The following KCNE2 variants were observed in gnomAD, a reference collection of about 807,000 sequenced individuals.
KCNE2 encodes potassium voltage-gated channel subfamily E member 2.
In KCNE2, 4 loss-of-function variants were observed where a neutral mutation model predicts 4.5. The observed-to-expected ratio is 0.89, with a 90% CI of 0.44 to 2.03. The LOEUF (loss-of-function observed/expected upper bound fraction) is 2.03. Among genes scored for constraint, KCNE2 ranks in the 30% most tolerant of loss-of-function variants. The pLI is 0.03. For missense variants in KCNE2, 137 were observed against 151.4 expected (o/e 0.90, Z 0.50); for synonymous variants, 57 against 55.9 (o/e 1.02, Z -0.09).
At chr21:34,365,660 A>G (rs41314675) in intron 1 of KCNE2, among the ~76,000 whole-genome samples, 51,532 of 152,168 alleles carry the variant, frequency 0.34, 9,371 homozygotes, top group African/African-American at 0.47. Context: ...CCTGGGTTCA[A>G]GCGATCCTCC....
chr21:34,366,346 G>A (rs1200313343), intron 1 of KCNE2, among the ~76,000 whole-genome samples: 2 of 151,970 alleles, frequency 1.3e-5, no homozygotes, highest in Non-Finnish European at 2.9e-5. Flanking sequence ...ACTTTTCGAG[G>A]GATCTTTAAC....
Position 34,370,513 on chromosome 21 carries a change from A to C in KCNE2, c.35A>C (p.Glu12Ala). 3 of 1,614,210 alleles carry C rather than the reference A, an allele frequency of 1.9e-6. No homozygotes were observed. In the South Asian group the frequency reaches 3.3e-5, roughly 18 times the overall value. ...TTATCCAATTTCACACAGACGCTGG[A>C]AGACGTCTTCCGAAGGATTTTTATT... is the stretch of plus-strand genomic sequence containing the variant. ...STLSNFTQTLEDVFRRIFITY... is the reference protein window; with the variant it reads ...STLSNFTQTLADVFRRIFITY... Residue 12 changes from glutamate (E) to alanine (A), a missense_variant, in exon 2 of 2, where the codon GAA becomes GCA. Coordinates refer to ENST00000290310, the MANE Select transcript of KCNE2 (RefSeq NM_172201.2).
chr21:34,364,455 G>C (rs970890199), intron 1 of KCNE2, among the ~76,000 whole-genome samples: 2 of 152,034 alleles, frequency 1.3e-5, no homozygotes, highest in East Asian at 1.9e-4. Context: ...TGATGTGAGC[G>C]ATCTACCATG....
chr21:34,369,562 A>G (rs1025335239), intron 1 of KCNE2, among the ~76,000 whole-genome samples: 1 of 152,016 alleles, frequency 6.6e-6, no homozygotes, highest in African/African-American at 2.4e-5. Flanking sequence ...GAAAAAAAAA[A>G]GGGCACATTG....
chr21:34,371,152 G>A lies in KCNE2; in HGVS notation c.*302G>A. 2.4e-6 allele frequency: 1 copy of A among 417,262 alleles called. No individual in the cohort carries two copies. Among genetic ancestry groups the A allele is most frequent in the Non-Finnish European group, 4.6e-6 (1 of 218,680 alleles). 25.8% of individuals were successfully genotyped at this position (417,262 alleles called of 1,614,324 possible). On this transcript the variant is annotated 3_prime_UTR_variant, in exon 2 of 2. Transcript: ENST00000290310. ...AAGCCAAATTTGAAGTAAAGTGTCT[G>A]GGCAGTGGCTGTGGGGATAGAAAGG...
At chr21:34,368,227 ACAATATATATATATATATAT>A (rs1364158008) in intron 1 of KCNE2, among the ~76,000 whole-genome samples, 1 of 56,398 alleles carries the variant, frequency 1.8e-5, no homozygotes, top group African/African-American at 7.6e-5. Context: ...ACACACACAC[ACAATATATATATATATATAT>A]ATATATATAT....
chr21:34,370,109 T>C (rs1220728029), intron 1 of KCNE2, among the ~76,000 whole-genome samples: 1 of 152,224 alleles, frequency 6.6e-6, no homozygotes, highest in African/African-American at 2.4e-5. Flanking sequence ...AGAAAATACA[T>C]ATCTTTAAGC....
rs80173642 is a variant in KCNE2, at chr21:34,369,053, G to A, written c.-12-1414G>A. Among the ~76,000 whole-genome samples the A allele has an allele frequency of 1.1e-4, 16 of 152,194 alleles. No individual in the cohort carries two copies. In the East Asian group the frequency reaches 2.7e-3, roughly 26 times the overall value. ...GGTTGAGAGAATAGGATGTGATAAT[G>A]TCCCGAGGAAAGAGAGCTTACTGAC... On this transcript the variant is annotated intron_variant, in intron 1 of 1. Transcript: ENST00000290310.
At chr21:34,368,197 T>TCACA (rs534677357) in intron 1 of KCNE2, among the ~76,000 whole-genome samples, 35 of 93,222 alleles carry the variant, frequency 3.8e-4, no homozygotes, top group South Asian at 1.1e-3. Flanking sequence ...AAACCAATAA[T>TCACA]CACACACACA....
chr21:34,365,140 C>T (rs1979238554), intron 1 of KCNE2, among the ~76,000 whole-genome samples: 2 of 152,204 alleles, frequency 1.3e-5, no homozygotes, highest in African/African-American at 4.8e-5. Flanking sequence ...GGACAGGTGA[C>T]TTAAGCCCTC....
intron 1 of KCNE2, among the ~76,000 whole-genome samples, chr21:34,366,175 T>C (rs542602559): frequency 1.3e-5 from 2 of 152,256 alleles, no homozygotes; most frequent in South Asian, 4.1e-4. Flanking sequence ...ATGACTCCAG[T>C]GGAATTCAGC....
intron 1 of KCNE2, among the ~76,000 whole-genome samples, chr21:34,368,229 A>ACAATATATATATATATAT (rs781775671): frequency 4.7e-5 from 4 of 84,810 alleles, no homozygotes; most frequent in African/African-American, 1.2e-4. Context: ...ACACACACAC[A>ACAATATATATATATATAT]ATATATATAT....
chr21:34,370,791 G>A lies in KCNE2; in HGVS notation c.313G>A (p.Glu105Lys), dbSNP rs1714350973. 6.2e-7 allele frequency: 1 copy of A among 1,614,192 alleles called. No individual in the cohort carries two copies. Among genetic ancestry groups the A allele is most frequent in the Non-Finnish European group, 8.5e-7 (1 of 1,180,038 alleles). The change falls in exon 2 of 2, where the codon GAA becomes AAA. Residue 105 changes from glutamate (E) to lysine (K), a missense_variant. By Grantham distance (56) the Glu-to-Lys change is moderately conservative (BLOSUM62 1). Transcript: ENST00000290310. ...KYKSQILNLE[E>K]SKATIHENIG... Reference sequence around the variant, plus strand: ...CAAGAGCCAAATCTTGAATCTAGAAGAATCGAAGGCCACCATCCATGAGAA... The same window carrying A: ...CAAGAGCCAAATCTTGAATCTAGAAAAATCGAAGGCCACCATCCATGAGAA...
chr21:34,368,469 G>A (rs1247034179), intron 1 of KCNE2, among the ~76,000 whole-genome samples: 3 of 151,458 alleles, frequency 2.0e-5, no homozygotes, highest in Admixed American at 6.6e-5. Flanking sequence ...GCGTAGTGGC[G>A]GTTGCCTGTA....
At chr21:34,366,390 C>T (rs909301006) in intron 1 of KCNE2, among the ~76,000 whole-genome samples, 1 of 151,960 alleles carries the variant, frequency 6.6e-6, no homozygotes, top group Non-Finnish European at 1.5e-5. Flanking sequence ...TCCCACACCC[C>T]TTAAGAATAA....
At chr21:34,369,573 A>C (rs1432612403) in intron 1 of KCNE2, among the ~76,000 whole-genome samples, 1 of 152,022 alleles carries the variant, frequency 6.6e-6, no homozygotes, top group African/African-American at 2.4e-5. Flanking sequence ...GGGCACATTG[A>C]TGGCTATTCA....
chr21:34,366,722 G>C (rs889654130), intron 1 of KCNE2, among the ~76,000 whole-genome samples: 3 of 151,984 alleles, frequency 2.0e-5, no homozygotes, highest in Non-Finnish European at 1.5e-5. Context: ...GCTCACGCCT[G>C]TAATCCCAGC....
chr21:34,368,267 T>TATATATATA (rs1370394357), intron 1 of KCNE2, among the ~76,000 whole-genome samples: 2 of 71,082 alleles, frequency 2.8e-5, no homozygotes, highest in Non-Finnish European at 5.2e-5. Flanking sequence ...TATATGTATG[T>TATATATATA]TATATATATG....
intron 1 of KCNE2, among the ~76,000 whole-genome samples, chr21:34,367,623 A>G (rs546404666): frequency 6.6e-6 from 1 of 152,328 alleles, no homozygotes; most frequent in South Asian, 2.1e-4. Flanking sequence ...ATTCTCAATG[A>G]GGAAAATCCT....
Sources: gnomAD v4.1 joint callset for allele counts (sites outside exome capture counted in the v4.1 genomes callset) on GRCh38, gnomAD v4.1.1 for gene constraint, MANE v1.5 for transcripts, NCBI Gene and HGNC (gene_info 2026-07-23, HGNC 2026-07-21) for gene names.